The following MICALL2 variants were observed in gnomAD, a reference collection of about 807,000 sequenced individuals.
The protein encoded by MICALL2 is MICAL-like protein 2.
In MICALL2, 111 loss-of-function variants were observed where a neutral mutation model predicts 91.1. The observed-to-expected ratio is 1.22, with a 90% CI of 1.04 to 1.43. The LOEUF is 1.43. MICALL2 is among the 40% of genes most tolerant of loss of function. The pLI is 0.00. For synonymous variants in MICALL2, 694 were observed against 525.3 expected, an observed-to-expected ratio of 1.32 and a Z score of -4.39; for missense variants, 1,556 against 1,236.0, an observed-to-expected ratio of 1.26 and a Z score of -3.88.
chr7:1,440,313 C>T lies in MICALL2; in HGVS notation c.1806-228G>A, dbSNP rs1780217909. The T allele has an allele frequency of 1.4e-5, 9 of 632,070 alleles. No homozygotes were observed. In the South Asian group the frequency reaches 1.8e-4, roughly 13 times the overall value. 39.2% of individuals were successfully genotyped at this position (632,070 alleles called of 1,614,324 possible). A position where few individuals can be genotyped will look rare whatever the true frequency, so the allele number is the denominator to read the frequency against. On this transcript the variant is annotated intron_variant, in intron 8 of 16. Coordinates refer to ENST00000297508, the MANE Select transcript of MICALL2 (RefSeq NM_182924.4). Reference sequence around the variant, plus strand: ...AGATTCCAGGCGTGAGCTCCGGGCCCCACGGGACCCACACATGGGGAGACT... The same window carrying T: ...AGATTCCAGGCGTGAGCTCCGGGCCTCACGGGACCCACACATGGGGAGACT...
chr7:1,453,841 C>T (rs569485094), intron 1 of MICALL2, among the ~76,000 whole-genome samples: 3 of 152,188 alleles, frequency 2.0e-5, no homozygotes, highest in Admixed American at 1.3e-4. Context: ...CCTATAAATG[C>T]GTGTGATGCA....
At chr7:1,454,606 T>C (rs1048885689) in intron 1 of MICALL2, among the ~76,000 whole-genome samples, 9 of 152,052 alleles carry the variant, frequency 5.9e-5, no homozygotes, top group Non-Finnish European at 1.3e-4. Flanking sequence ...TCCTGGAGGG[T>C]TCCGGCCAGA....
intron 1 of MICALL2, among the ~76,000 whole-genome samples, chr7:1,457,640 C>T (rs1331714134): frequency 6.6e-6 from 1 of 152,214 alleles, no homozygotes; most frequent in Non-Finnish European, 1.5e-5. Context: ...CCTGTGCTCA[C>T]CCTGGGCACT....
chr7:1,438,243 G>A (rs1233422613), intron 11 of MICALL2, 23 bp from the exon 12 acceptor site: 2 of 1,588,886 alleles, frequency 1.3e-6, no homozygotes, highest in African/African-American at 1.3e-5. Context: ...GGGCGGTGAG[G>A]ATGCCGGAGG....
Position 1,440,820 on chromosome 7 carries a change from G to A in MICALL2, c.1712-136C>T, listed in dbSNP as rs1415725324. 13 of 702,520 alleles carry A rather than the reference G, an allele frequency of 1.9e-5. No individual in the cohort carries two copies. The East Asian group carries it at 2.8e-4, about 15-fold the overall frequency. The allele number at this position is 702,520 out of a possible 1,614,324, so 43.5% of individuals were successfully genotyped here. ...GACACCCCCACAGCCAGCCGGCCGG[G>A]GGGCATCAGGAGCACCGGGCAGGGA... On this transcript the variant is annotated intron_variant, in intron 7 of 16. Transcript: ENST00000297508.
At chr7:1,442,698 C>T (rs923568062) in intron 6 of MICALL2, among the ~76,000 whole-genome samples, 3 of 152,000 alleles carry the variant, frequency 2.0e-5, no homozygotes, top group Non-Finnish European at 4.4e-5. Flanking sequence ...GCCCCTCTGC[C>T]TCCCTGCAGC....
At chr7:1,453,968 C>T (rs980458637) in intron 1 of MICALL2, among the ~76,000 whole-genome samples, 1 of 152,176 alleles carries the variant, frequency 6.6e-6, no homozygotes, top group Non-Finnish European at 1.5e-5. Flanking sequence ...CAACTCTCCA[C>T]CGTGCGTGCC....
chr7:1,442,804 C>T (rs1455763606), intron 6 of MICALL2, among the ~76,000 whole-genome samples: 1 of 152,196 alleles, frequency 6.6e-6, no homozygotes, highest in Non-Finnish European at 1.5e-5. Flanking sequence ...CTGTGAAATC[C>T]AGTGTTGGCT....
Position 1,449,432 on chromosome 7 carries a change from C to T in MICALL2, c.193-671G>A, listed in dbSNP as rs968302368. 1.0e-3 allele frequency among the ~76,000 whole-genome samples: 154 copies of T among 152,238 alleles called. 11 individuals carry two copies. Among genetic ancestry groups the T allele is most frequent in the Non-Finnish European group, 1.5e-5 (1 of 68,038 alleles). ...TCAAGCAATTCTCCTGCCTCAGCCT[C>T]CTGAATAGCTGGGATTACAGGTGCG... On this transcript the variant is annotated intron_variant, in intron 2 of 16. Transcript: ENST00000297508.
intron 1 of MICALL2, among the ~76,000 whole-genome samples, chr7:1,456,124 G>A (rs185994950): frequency 5.5e-4 from 84 of 152,012 alleles, no homozygotes; most frequent in African/African-American, 1.7e-3. Flanking sequence ...AGGCAGGCAC[G>A]TCCAAAGAGC....
intron 2 of MICALL2, 138 bp from the exon 3 acceptor site, chr7:1,448,899 C>G (rs942298754): frequency 1.1e-5 from 11 of 1,010,510 alleles, no homozygotes; most frequent in Admixed American, 7.2e-5. Flanking sequence ...GAGTTCTGCT[C>G]GCGTGGCCTC....
At position 1,440,059 on chromosome 7, in the gene MICALL2, G is replaced by GC; in HGVS notation, c.1831dup (p.Ala611GlyfsTer32). ...CTCCCCCGCCCTCGGCTCTGCCAGGGCCCGTGGTTCCTTGGGCTTCAGAGT... is the reference window on the plus strand; with the variant it reads ...CTCCCCCGCCCTCGGCTCTGCCAGGGCCCCGTGGTTCCTTGGGCTTCAGAGT... On this transcript the variant is annotated frameshift_variant, in exon 9 of 17. Coordinates refer to ENST00000297508, the MANE Select transcript of MICALL2 (RefSeq NM_182924.4). LOFTEE classifies it high-confidence loss of function. 3 of 1,587,236 alleles carry GC rather than the reference G, an allele frequency of 1.9e-6. No individual in the cohort carries two copies. The highest frequency in any genetic ancestry group is 2.6e-6 in the Non-Finnish European group (3 of 1,171,556).
rs966104253 is a variant in MICALL2, at chr7:1,452,982, C to A, written c.144-2694G>T. On this transcript the variant is annotated intron_variant, in intron 1 of 16. Transcript: ENST00000297508. This position sits in a 1 kb window ranked among gnomAD's most constrained non-coding sequence, Gnocchi z 6.2. Reference sequence around the variant, plus strand: ...TTTTCCCACACTCCGCCCGATGCACCCGCCAGGCCCTCCCCAGATGCACCT... The same window carrying A: ...TTTTCCCACACTCCGCCCGATGCACACGCCAGGCCCTCCCCAGATGCACCT... 6.6e-6 allele frequency among the ~76,000 whole-genome samples: 1 copy of A among 151,928 alleles called. No individual in the cohort carries two copies. The highest frequency in any genetic ancestry group is 1.5e-5 in the Non-Finnish European group (1 of 67,978).
intron 6 of MICALL2, among the ~76,000 whole-genome samples, chr7:1,443,420 G>A (rs1026624911): frequency 1.3e-4 from 20 of 152,132 alleles, no homozygotes; most frequent in South Asian, 4.1e-4. Context: ...GGCAGGAAAC[G>A]GCGTTGTCAG....
At position 1,437,862 on chromosome 7, in the gene MICALL2, G is replaced by A. The variant is rs767579941; in HGVS notation, c.2402+28C>T. On this transcript the variant is annotated intron_variant, in intron 13 of 16. Transcript: ENST00000297508. ...AGCCCGCAACGAGGTCCTGGCCTTC[G>A]AGGAGGGGCCCACGGCTGGGCTCTC... 47 of 1,541,728 alleles carry A rather than the reference G, an allele frequency of 3.0e-5. No homozygotes were observed. The Middle Eastern group carries it at 6.7e-4, about 22-fold the overall frequency.
rs1308579647 is a variant in MICALL2, at chr7:1,440,583, T to TC, written c.1805+7dup. 2 of 1,611,682 alleles carry TC rather than the reference T, an allele frequency of 1.2e-6. No homozygotes were observed. Among genetic ancestry groups the TC allele is most frequent in the Non-Finnish European group, 1.7e-6 (2 of 1,179,164 alleles). The stretch of plus-strand genomic sequence containing the variant: ...CCAGGCCCTGGGCCAGCCCCACCCA[T>TC]CCCTAACCTCTCAGCTGGGCTTCTC... On this transcript the variant is annotated splice_region_variant and intron_variant, in intron 8 of 16. Coordinates refer to ENST00000297508, the MANE Select transcript of MICALL2 (RefSeq NM_182924.4).
At chr7:1,434,985 GCC>G (rs145154210) in intron 16 of MICALL2, 114 bp downstream of exon 16, 25 of 258,626 alleles carry the variant, frequency 9.7e-5, no homozygotes, top group African/African-American at 2.6e-4. Flanking sequence ...CCCGATACCC[GCC>G]CCCCCCCCAC....
chr7:1,439,129 G>C (rs892542104), intron 9 of MICALL2, 134 bp from the exon 10 acceptor site: 1 of 723,624 alleles, frequency 1.4e-6, no homozygotes, highest in South Asian at 1.9e-5. Flanking sequence ...ACTGGCACAG[G>C]GTTGGCATCA....
intron 3 of MICALL2, 181 bp from the exon 4 acceptor site, chr7:1,447,946 T>G (rs1281692123): frequency 8.9e-6 from 4 of 447,374 alleles, no homozygotes; most frequent in East Asian, 7.0e-5. Context: ...CGGTCCCCAC[T>G]CCTTCCCTCC....
Sources: allele counts gnomAD v4.1 joint callset (sites outside exome capture counted in the v4.1 genomes callset), GRCh38; gene constraint gnomAD v4.1.1; non-coding constraint Gnocchi (gnomAD v3.1); transcripts MANE v1.5; gene names NCBI Gene and HGNC (gene_info 2026-07-23, HGNC 2026-07-21).